Variants in MYO3B observed in about 807,000 individuals in gnomAD.
The protein encoded by MYO3B is myosin-IIIb.
Under a neutral mutation model 174.6 loss-of-function variants are expected in MYO3B, and 156 were observed. The ratio of observed to expected loss-of-function variants is 0.89; its 90% CI spans 0.78 to 1.02. The LOEUF (loss-of-function observed/expected upper bound fraction) is 1.02, where lower values mean the gene tolerates loss of function less well. Ranked by LOEUF, MYO3B falls within the 50% of genes least tolerant of loss-of-function variation. The pLI, the probability that MYO3B is intolerant of heterozygous loss-of-function variation, is 0.00. For synonymous variants in MYO3B, 563 were observed against 569.1 expected (o/e 0.99, Z 0.15); for missense variants, 1,632 against 1,639.4 (o/e 1.00, Z 0.08).
chr2:170,299,616 G>A (rs905883967), intron 7 of MYO3B, among the ~76,000 whole-genome samples: 1 of 152,148 alleles, frequency 6.6e-6, no homozygotes, highest in African/African-American at 2.4e-5. Context: ...TTCAGAAAGG[G>A]AAACTGAGGT....
rs777829010 is a variant in MYO3B at position 170,501,789 on chromosome 2, G to A, written c.3294G>A (p.Trp1098Ter). The A allele has an allele frequency of 1.2e-6, 2 of 1,606,654 alleles. No homozygotes were observed. The highest frequency in any genetic ancestry group is 1.7e-6 in the Non-Finnish European group (2 of 1,173,392). Residue 1098 changes from tryptophan to a stop codon, truncating the protein, a stop_gained, in exon 28 of 35, where the codon TGG (tryptophan) becomes TGA (stop). Transcript: ENST00000408978. LOFTEE classifies it high-confidence loss of function. ...CACATGGTTTTATATTTTTAGCCTGGAGAGGATATGATGCTCGGAGGAAAT... is the reference window on the plus strand; with the variant it reads ...CACATGGTTTTATATTTTTAGCCTGAAGAGGATATGATGCTCGGAGGAAAT... ...EKGAIAIQSA[W>*]RGYDARRKFK...
intron 33 of MYO3B, 84 bp from the exon 34 acceptor site, chr2:170,652,024 T>C: frequency 7.1e-7 from 1 of 1,411,638 alleles, no homozygotes; most frequent in Non-Finnish European, 9.9e-7. Context: ...AGCATCTGCT[T>C]GCATTCAACA....
chr2:170,473,014 A>T (rs1685072210), intron 25 of MYO3B, among the ~76,000 whole-genome samples: 1 of 151,124 alleles, frequency 6.6e-6, no homozygotes, highest in African/African-American at 2.4e-5. Flanking sequence ...AGCTCACTTT[A>T]TGTCTGTATT....
intron 23 of MYO3B, among the ~76,000 whole-genome samples, chr2:170,451,437 AT>A (rs1179202679): frequency 2.6e-5 from 4 of 152,252 alleles, no homozygotes; most frequent in African/African-American, 9.6e-5. Flanking sequence ...GAAGCAGTTT[AT>A]TACCTTAAAG....
intron 32 of MYO3B, among the ~76,000 whole-genome samples, chr2:170,548,472 C>A (rs367577736): frequency 8.5e-5 from 13 of 152,082 alleles, no homozygotes; most frequent in Non-Finnish European, 1.5e-4. Context: ...TATTGTCGGT[C>A]TGAGGTTCAC....
intron 7 of MYO3B, among the ~76,000 whole-genome samples, chr2:170,305,096 C>T (rs2093692099): frequency 6.6e-6 from 1 of 151,800 alleles, no homozygotes. Flanking sequence ...ATTTAGATTT[C>T]TAGTTACACT....
At chr2:170,610,666 ATTAC>A (rs1217021822) in intron 32 of MYO3B, among the ~76,000 whole-genome samples, 1 of 152,186 alleles carries the variant, frequency 6.6e-6, no homozygotes, top group East Asian at 1.9e-4. Context: ...TAATTATCTT[ATTAC>A]TTACTATTAC....
intron 7 of MYO3B, among the ~76,000 whole-genome samples, chr2:170,333,210 G>A (rs2093924213): frequency 6.6e-6 from 1 of 152,134 alleles, no homozygotes; most frequent in Admixed American, 6.6e-5. Context: ...CACCAAAGCT[G>A]CCCACAGAGG....
intron 32 of MYO3B, among the ~76,000 whole-genome samples, chr2:170,554,223 T>G (rs1311835278): frequency 6.6e-6 from 1 of 152,240 alleles, no homozygotes; most frequent in Non-Finnish European, 1.5e-5. Flanking sequence ...GTTATAGTCC[T>G]AGTAGTTTAC....
At chr2:170,523,751 A>G (rs1357871557) in intron 30 of MYO3B, among the ~76,000 whole-genome samples, 6 of 152,164 alleles carry the variant, frequency 3.9e-5, no homozygotes, top group African/African-American at 7.2e-5. Flanking sequence ...TTACATGCCA[A>G]TGTCTGGAGC....
intron 8 of MYO3B, among the ~76,000 whole-genome samples, chr2:170,342,951 C>T (rs1558906902): frequency 6.6e-6 from 1 of 151,862 alleles, no homozygotes. Flanking sequence ...TTCTTTGACA[C>T]CAATGTGCTG....
At chr2:170,560,548 CT>C (rs1219413049) in intron 32 of MYO3B, among the ~76,000 whole-genome samples, 1 of 152,134 alleles carries the variant, frequency 6.6e-6, no homozygotes, top group Non-Finnish European at 1.5e-5. Context: ...AATGATATCC[CT>C]TTTTGTTAAA....
At chr2:170,440,478 T>A (rs2094791228) in intron 22 of MYO3B, among the ~76,000 whole-genome samples, 1 of 152,206 alleles carries the variant, frequency 6.6e-6, no homozygotes, top group Non-Finnish European at 1.5e-5. Flanking sequence ...TAGTTTTTGG[T>A]GTAAAAGTCT....
At chr2:170,547,617 A>G (rs1274491665) in intron 32 of MYO3B, among the ~76,000 whole-genome samples, 1 of 152,148 alleles carries the variant, frequency 6.6e-6, no homozygotes, top group Non-Finnish European at 1.5e-5. Context: ...ATTTCTCAAA[A>G]CTTTTATAAA....
intron 22 of MYO3B, among the ~76,000 whole-genome samples, chr2:170,408,861 T>C (rs1225171984): frequency 2.0e-5 from 3 of 151,902 alleles, no homozygotes; most frequent in Non-Finnish European, 4.4e-5. Flanking sequence ...TAAACAGAAC[T>C]AGTAGCAGTG....
At chr2:170,598,079 A>G (rs1306482085) in intron 32 of MYO3B, among the ~76,000 whole-genome samples, 1 of 152,226 alleles carries the variant, frequency 6.6e-6, no homozygotes, top group Non-Finnish European at 1.5e-5. Context: ...CCCAAAACAG[A>G]CTTTAAGCAC....
In MYO3B at chr2:170,343,021, C is replaced by A. The variant is rs544330832; in HGVS notation, c.815+7571C>A. On this transcript the variant is annotated intron_variant, in intron 8 of 34. Coordinates refer to ENST00000408978, the MANE Select transcript of MYO3B (RefSeq NM_138995.5). ...CTTCAGCTCACTTACTTCCACAGTT[C>A]GGGCCTCTAACACACACACACACAC... Among the ~76,000 whole-genome samples, 9 of 142,984 alleles carry A rather than the reference C, an allele frequency of 6.3e-5. No homozygotes were observed. The South Asian group carries it at 1.4e-3, about 22-fold the overall frequency. The allele number at this position is 142,984 out of a possible 152,430, so 93.8% of individuals were successfully genotyped here.
chr2:170,241,014 C>T (rs192456921), intron 7 of MYO3B, among the ~76,000 whole-genome samples: 4 of 152,172 alleles, frequency 2.6e-5, no homozygotes. Flanking sequence ...AAGTTTCTGT[C>T]TTATCTCACC....
chr2:170,604,808 A>C (rs1694715460), intron 32 of MYO3B, among the ~76,000 whole-genome samples: 1 of 152,198 alleles, frequency 6.6e-6, no homozygotes, highest in Admixed American at 6.5e-5. Flanking sequence ...CACACAATGC[A>C]GTTGTGCACA....
Sources: allele counts gnomAD v4.1 joint callset (sites outside exome capture counted in the v4.1 genomes callset), GRCh38; gene constraint gnomAD v4.1.1; transcripts MANE v1.5; gene names NCBI Gene and HGNC (gene_info 2026-07-23, HGNC 2026-07-21).